Variants in FSIP2 observed in about 807,000 individuals in gnomAD.
The protein encoded by FSIP2 is fibrous sheath interacting protein 2.
A neutral mutation model predicts 510.5 loss-of-function variants in FSIP2; 367 were observed. That is an observed-to-expected ratio of 0.72 (90% confidence interval 0.66 to 0.78). The LOEUF (loss-of-function observed/expected upper bound fraction) is 0.78. FSIP2 is among the 30% of genes least tolerant of loss of function. The pLI, the probability that FSIP2 is intolerant of heterozygous loss-of-function variation, is 0.00. For missense variants in FSIP2, 7,594 were observed against 7,901.7 expected, an observed-to-expected ratio of 0.96 and a Z score of 1.48; for synonymous variants, 2,601 against 2,732.2, an observed-to-expected ratio of 0.95 and a Z score of 1.50.
Position 185,813,686 on chromosome 2 carries a change from A to G in FSIP2, c.19969A>G (p.Ile6657Val), listed in dbSNP as rs1693780267. 1 of 1,609,932 alleles carries G rather than the reference A, an allele frequency of 6.2e-7. No homozygotes were observed. Among genetic ancestry groups the G allele is most frequent in the African/African-American group, 1.3e-5 (1 of 74,712 alleles). ...TGATCAAGTGTATTTGGAAAATTACATAAAAGAGGAACGAGATTCTGATGA... is the reference window on the plus strand; with the variant it reads ...TGATCAAGTGTATTTGGAAAATTACGTAAAAGAGGAACGAGATTCTGATGA... ...DIDQVYLENY[I>V]KEERDSDEDE... Residue 6657 changes from isoleucine (I) to valine (V), a missense_variant, in exon 18 of 23, where the codon ATA becomes GTA. Ile to Val is a conservative substitution (Grantham distance 29). Transcript: ENST00000424728.
chr2:185,743,349 T>G, intron 3 of FSIP2, 55 bp downstream of exon 3: 1 of 1,250,258 alleles, frequency 8.0e-7, no homozygotes, highest in Non-Finnish European at 1.1e-6. Context: ...AAACTTGATA[T>G]AAACTTGTTT....
At position 185,756,222 on chromosome 2, in the gene FSIP2, A is replaced by G; in HGVS notation, c.1022A>G (p.Glu341Gly). Residue 341 changes from glutamate to glycine, a missense_variant, in exon 9 of 23, where the codon GAA becomes GGA. By Grantham distance (98) the Glu-to-Gly change is moderately conservative. Transcript: ENST00000424728. ...CCAAAGAATAAAAAGAAGACTTCTG[A>G]AGATATAATGTTAGTTTATCCTGCT... ...ASPKNKKKTS[E>G]DIMLVYPAGD... 7.5e-7 allele frequency: 1 copy of G among 1,331,040 alleles called. No homozygotes were observed. The allele number at this position is 1,331,040 out of a possible 1,614,324, so 82.5% of individuals were successfully genotyped here. A position where few individuals can be genotyped will look rare whatever the true frequency, so the allele number is the denominator to read the frequency against.
chr2:185,786,216 C>A, intron 14 of FSIP2, 36 bp from the exon 15 acceptor site: 1 of 1,403,588 alleles, frequency 7.1e-7, no homozygotes, highest in Non-Finnish European at 9.6e-7. Flanking sequence ...ATTTTTGACT[C>A]TATGTAATAA....
chr2:185,756,112 A>C (rs1263378834), intron 8 of FSIP2, 80 bp from the exon 9 acceptor site: 2 of 510,634 alleles, frequency 3.9e-6, no homozygotes, highest in East Asian at 6.0e-5. Context: ...CCTCTTGGGC[A>C]TAAAAGGATA....
intron 15 of FSIP2, among the ~76,000 whole-genome samples, chr2:185,787,028 C>T (rs75364040): frequency 1.4e-4 from 22 of 151,820 alleles, no homozygotes; most frequent in Middle Eastern, 3.4e-3. Context: ...GGAATCTCTT[C>T]GCCGTAACTA....
intron 20 of FSIP2, among the ~76,000 whole-genome samples, chr2:185,826,725 T>G (rs1334591766): frequency 1.3e-5 from 2 of 151,858 alleles, no homozygotes; most frequent in Non-Finnish European, 2.9e-5. Flanking sequence ...ATTTTGTTTA[T>G]AGTAGATACA....
At chr2:185,815,298 C>A in intron 18 of FSIP2, 73 bp from the exon 19 acceptor site, 2 of 728,840 alleles carry the variant, frequency 2.7e-6, no homozygotes, top group South Asian at 1.7e-5. Context: ...GATTATACTG[C>A]AAAAAATGCC....
rs10173807 is a variant in FSIP2, at chr2:185,791,930, C to G, written c.4794C>G (p.Asn1598Lys). 4 of 1,533,442 alleles carry G rather than the reference C, an allele frequency of 2.6e-6. No individual in the cohort carries two copies. In the African/African-American group the frequency reaches 4.1e-5, roughly 16 times the overall value. 95.0% of individuals were successfully genotyped at this position (1,533,442 alleles called of 1,614,324 possible). ...TTGCTAAACTGGAAGGGTTTGCCAA[C>G]GGACATTTAGAAATTTTGGGTGCTA... Reference protein sequence around the residue: ...MVFAKLEGFANGHLEILGAIN... With the variant: ...MVFAKLEGFAKGHLEILGAIN... Residue 1598 changes from asparagine (N) to lysine (K), a missense_variant, in exon 16 of 23, where the codon AAC becomes AAG. Asn to Lys is a moderately conservative substitution (Grantham distance 94). Transcript: ENST00000424728.
At chr2:185,767,546 T>G (rs1391757272) in intron 13 of FSIP2, among the ~76,000 whole-genome samples, 3 of 152,110 alleles carry the variant, frequency 2.0e-5, no homozygotes, top group African/African-American at 7.2e-5. Flanking sequence ...TTTTTAGTCT[T>G]TCTGCATTTA....
Position 185,801,765 on chromosome 2 carries a change from G to C in FSIP2, c.12459G>C (p.Gln4153His), listed in dbSNP as rs1174487449. Residue 4153 changes from glutamine (Q) to histidine (H), a missense_variant, in exon 17 of 23, where the codon CAG becomes CAC. Transcript: ENST00000424728. ...LEDVIRRLLS[Q>H]LIPPPITCSS... The stretch of plus-strand genomic sequence containing the variant: ...ATGTCATAAGAAGGCTTTTATCTCA[G>C]CTAATTCCTCCACCCATTACATGTT... 6.6e-7 allele frequency: 1 copy of C among 1,524,124 alleles called. No homozygotes were observed. Among genetic ancestry groups the C allele is most frequent in the South Asian group, 1.2e-5 (1 of 82,590 alleles). 94.4% of individuals were successfully genotyped at this position (1,524,124 alleles called of 1,614,324 possible).
chr2:185,807,026 C>G lies in FSIP2; in HGVS notation c.17720C>G (p.Ser5907Ter). The G allele has an allele frequency of 1.9e-6, 3 of 1,596,132 alleles. No homozygotes were observed. The highest frequency in any genetic ancestry group is 2.6e-6 in the Non-Finnish European group (3 of 1,174,248). The change falls in exon 17 of 23, where the codon TCA (serine) becomes TGA (stop). Residue 5907 changes from serine (S) to a stop codon, truncating the protein, a stop_gained. Transcript: ENST00000424728. LOFTEE classifies it high-confidence loss of function. The stretch of plus-strand genomic sequence containing the variant: ...AAACCTTCTTCAGATAAGATACCAT[C>G]AATTGACAAAACATTGGTCAATAAA... Reference protein sequence around the residue: ...MRKPSSDKIPSIDKTLVNKVV... With the variant: ...MRKPSSDKIP
At chr2:185,783,411 T>C (rs1692897241) in intron 14 of FSIP2, among the ~76,000 whole-genome samples, 1 of 152,162 alleles carries the variant, frequency 6.6e-6, no homozygotes, top group Non-Finnish European at 1.5e-5. Context: ...CCCAATGCCA[T>C]CATCTTTTTT....
chr2:185,758,489 TAGAAA>T (rs930921976), intron 9 of FSIP2, among the ~76,000 whole-genome samples: 14 of 151,268 alleles, frequency 9.3e-5, no homozygotes, highest in African/African-American at 3.4e-4. Context: ...AAGTAAACTA[TAGAAA>T]AGAAAATGTT....
In FSIP2 at chr2:185,747,328, G is replaced by C. The variant is rs1692053464; in HGVS notation, c.775G>C (p.Glu259Gln). ...TGATTTCTAGGAATGGAAGACAAAA[G>C]AGATGTTACTTCTGACAAGGATGGC... ...RKIEEEWKTK[E>Q]MLLLTRMAED... Residue 259 changes from glutamate to glutamine, a missense_variant, in exon 7 of 23, where the codon GAG becomes CAG. Transcript: ENST00000424728. 1 of 1,524,000 alleles carries C rather than the reference G, an allele frequency of 6.6e-7. No individual in the cohort carries two copies. Among genetic ancestry groups the C allele is most frequent in the Non-Finnish European group, 8.8e-7 (1 of 1,135,982 alleles). The allele number at this position is 1,524,000 out of a possible 1,614,324, so 94.4% of individuals were successfully genotyped here. A position where few individuals can be genotyped will look rare whatever the true frequency, so the allele number is the denominator to read the frequency against.
In FSIP2 at chr2:185,803,769, C is replaced by T. The variant is rs1384891985; in HGVS notation, c.14463C>T (p.Asp4821=). The T allele has an allele frequency of 6.5e-7, 1 of 1,529,624 alleles. No individual in the cohort carries two copies. The highest frequency in any genetic ancestry group is 2.5e-5 in the East Asian group (1 of 40,752). 94.8% of individuals were successfully genotyped at this position (1,529,624 alleles called of 1,614,324 possible). A position where few individuals can be genotyped will look rare whatever the true frequency, so the allele number is the denominator to read the frequency against. Residue 4821 remains aspartate (D), a synonymous_variant, in exon 17 of 23, where the codon GAC becomes GAT. Coordinates refer to ENST00000424728, the MANE Select transcript of FSIP2 (RefSeq NM_173651.4). ...SAEQSDTTKS[D]LSNTVIKLIN... Reference sequence around the variant, plus strand: ...AGCAGTCAGATACTACTAAATCAGACTTAAGTAATACAGTGATAAAACTGA... The same window carrying T: ...AGCAGTCAGATACTACTAAATCAGATTTAAGTAATACAGTGATAAAACTGA...
rs1037308684 is a variant in FSIP2, at chr2:185,789,864, A to G, written c.2728A>G (p.Asn910Asp). 2.0e-5 allele frequency: 31 copies of G among 1,531,742 alleles called. No individual in the cohort carries two copies. Among genetic ancestry groups the G allele is most frequent in the Non-Finnish European group, 2.6e-5 (30 of 1,143,832 alleles). The allele number at this position is 1,531,742 out of a possible 1,614,324, so 94.9% of individuals were successfully genotyped here. Residue 910 changes from asparagine to aspartate, a missense_variant, in exon 16 of 23, where the codon AAT (asparagine) becomes GAT (aspartate). By Grantham distance (23) the Asn-to-Asp change is conservative. Coordinates refer to ENST00000424728, the MANE Select transcript of FSIP2 (RefSeq NM_173651.4). ...GGTTGCTTATATAGAGGAAGCAATC[A>G]ATGCTATACTAGGTTATATACAAAC... is the stretch of plus-strand genomic sequence containing the variant. The part of the protein sequence containing the change: ...SLVAYIEEAI[N>D]AILGYIQTEL...
At chr2:185,828,540 T>C (rs1694054442) in intron 21 of FSIP2, among the ~76,000 whole-genome samples, 1 of 151,860 alleles carries the variant, frequency 6.6e-6, no homozygotes, top group African/African-American at 2.4e-5. Flanking sequence ...TACTTGGCCC[T>C]ACCTAGGATG....
At position 185,803,193 on chromosome 2, in the gene FSIP2, G is replaced by A. The variant is rs1403731664; in HGVS notation, c.13887G>A (p.Gly4629=). The change falls in exon 17 of 23, where the codon GGG becomes GGA. Residue 4629 remains glycine, a synonymous_variant. Coordinates refer to ENST00000424728, the MANE Select transcript of FSIP2 (RefSeq NM_173651.4). ...CATTCTTGGAAGATGTAATCTCTGGGGTTTTAAGAAAAATATTCCACAGGG... is the reference window on the plus strand; with the variant it reads ...CATTCTTGGAAGATGTAATCTCTGGAGTTTTAAGAAAAATATTCCACAGGG... ...SSTFLEDVIS[G]VLRKIFHRVV... The A allele has an allele frequency of 2.6e-6, 4 of 1,532,174 alleles. No homozygotes were observed. Among genetic ancestry groups the A allele is most frequent in the Non-Finnish European group, 2.6e-6 (3 of 1,144,664 alleles). The allele number at this position is 1,532,174 out of a possible 1,614,324, so 94.9% of individuals were successfully genotyped here. A position where few individuals can be genotyped will look rare whatever the true frequency, so the allele number is the denominator to read the frequency against.
At chr2:185,779,481 A>G (rs892877757) in intron 13 of FSIP2, among the ~76,000 whole-genome samples, 5 of 152,128 alleles carry the variant, frequency 3.3e-5, no homozygotes, top group Non-Finnish European at 7.4e-5. Flanking sequence ...GAGATCTATC[A>G]ATCACTCAAA....
Sources: gnomAD v4.1 joint callset for allele counts (sites outside exome capture counted in the v4.1 genomes callset) on GRCh38, gnomAD v4.1.1 for gene constraint, MANE v1.5 for transcripts, NCBI Gene and HGNC (gene_info 2026-07-23, HGNC 2026-07-21) for gene names.